Variants in AFF3 observed in about 807,000 individuals in gnomAD.
AFF3 encodes AF4/FMR2 family member 3.
AFF3 carries 32 observed loss-of-function variants against 129.7 expected under a neutral mutation model. The observed-to-expected ratio is 0.25, with a 90% confidence interval of 0.19 to 0.33. The LOEUF is 0.33. Ranked by LOEUF, AFF3 falls within the 10% of genes least tolerant of loss-of-function variation. The probability of loss-of-function intolerance (pLI) is 1.00; values close to 1 mark genes in which losing one functional copy is unlikely to be tolerated. For missense variants in AFF3, 1,373 were observed against 1,592.0 expected, an observed-to-expected ratio of 0.86 and a Z score of 2.34; for synonymous variants, 644 against 635.4, an observed-to-expected ratio of 1.01 and a Z score of -0.20.
chr2:100,076,165 G>T (rs565516210), intron 4 of AFF3, among the ~76,000 whole-genome samples: 1 of 152,304 alleles, frequency 6.6e-6, no homozygotes, highest in African/African-American at 2.4e-5. Context: ...TGGTGAAAAA[G>T]ATGTGACTCA....
chr2:99,641,552 C>T (rs1393085634), intron 13 of AFF3, among the ~76,000 whole-genome samples: 1 of 152,038 alleles, frequency 6.6e-6, no homozygotes, highest in Non-Finnish European at 1.5e-5. Context: ...GAGGTTTATG[C>T]CTATAATTCC....
chr2:99,967,932 AC>A (rs1677954072), intron 7 of AFF3, among the ~76,000 whole-genome samples: 1 of 152,166 alleles, frequency 6.6e-6, no homozygotes, highest in Non-Finnish European at 1.5e-5. Context: ...TCACACAGCC[AC>A]AGGATTGTCT....
At chr2:99,837,192 C>T (rs1403499478) in intron 8 of AFF3, among the ~76,000 whole-genome samples, 1 of 152,152 alleles carries the variant, frequency 6.6e-6, no homozygotes. Context: ...AATGGGGCAT[C>T]CACATGTGAG....
intron 11 of AFF3, among the ~76,000 whole-genome samples, chr2:99,721,943 T>A (rs1197651923): frequency 6.6e-6 from 1 of 152,246 alleles, no homozygotes. Context: ...TACAATTCAC[T>A]GAGGCTCTGT....
chr2:99,982,664 T>C (rs988271425), intron 7 of AFF3, among the ~76,000 whole-genome samples: 2 of 152,168 alleles, frequency 1.3e-5, no homozygotes, highest in Non-Finnish European at 2.9e-5. Context: ...ACTCTCGAGG[T>C]CTCAGTTTCC....
chr2:99,901,021 T>G (rs995682822), intron 7 of AFF3, among the ~76,000 whole-genome samples: 1 of 152,242 alleles, frequency 6.6e-6, no homozygotes, highest in Non-Finnish European at 1.5e-5. Context: ...TTGCTCCATG[T>G]CTTTTGAAGA....
chr2:99,650,765 T>C (rs1685160926), intron 12 of AFF3, among the ~76,000 whole-genome samples: 1 of 151,338 alleles, frequency 6.6e-6, no homozygotes, highest in African/African-American at 2.4e-5. Context: ...TGTATTGATT[T>C]GTTTTTTGTT....
In AFF3 at chr2:100,106,106, CT is replaced by C; in HGVS notation, c.-144-524del. ...GAAGACCAAAAGGCCAATGAGACTT[CT>C]TTCCTATTTGAGATCGGATTTGAGA... is the stretch of plus-strand genomic sequence containing the variant. On this transcript the variant is annotated intron_variant, in intron 2 of 24. Transcript: ENST00000672756. The C allele has an allele frequency of 3.1e-6, 4 of 1,275,698 alleles. No homozygotes were observed. The South Asian group carries it at 5.2e-5, about 16-fold the overall frequency. 79.0% of individuals were successfully genotyped at this position (1,275,698 alleles called of 1,614,324 possible).
intron 4 of AFF3, among the ~76,000 whole-genome samples, chr2:100,103,511 T>C (rs1192674205): frequency 3.0e-5 from 3 of 99,238 alleles, no homozygotes; most frequent in African/African-American, 1.2e-4. Context: ...TAAGAGATAG[T>C]GGGGGGTTGG....
intron 8 of AFF3, among the ~76,000 whole-genome samples, chr2:99,833,107 T>C (rs1688624832): frequency 6.6e-6 from 1 of 152,240 alleles, no homozygotes; most frequent in African/African-American, 2.4e-5. Flanking sequence ...TTGATTGACA[T>C]TTGTGAGCAC....
At chr2:100,038,565 T>C (rs1022829511) in intron 4 of AFF3, among the ~76,000 whole-genome samples, 2 of 151,988 alleles carry the variant, frequency 1.3e-5, no homozygotes, top group Non-Finnish European at 2.9e-5. Flanking sequence ...TGGCTTGCAG[T>C]TGAGGGGACA....
chr2:99,944,493 T>A (rs913583507), intron 7 of AFF3, among the ~76,000 whole-genome samples: 1 of 152,218 alleles, frequency 6.6e-6, no homozygotes, highest in Non-Finnish European at 1.5e-5. Flanking sequence ...GGTTGGTCAA[T>A]GCTTCCCATT....
chr2:100,066,958 T>C (rs1399933626), intron 4 of AFF3, among the ~76,000 whole-genome samples: 1 of 152,184 alleles, frequency 6.6e-6, no homozygotes, highest in Non-Finnish European at 1.5e-5. Flanking sequence ...GGGACAGATA[T>C]TTGGAGAACC....
At chr2:100,036,159 AAC>A (rs869227800) in intron 4 of AFF3, among the ~76,000 whole-genome samples, 7,012 of 136,000 alleles carry the variant, frequency 0.052, 397 homozygotes, top group Non-Finnish European at 0.086. Context: ...AAAAAAAAAA[AAC>A]AACTTTCTCA....
intron 13 of AFF3, among the ~76,000 whole-genome samples, chr2:99,615,671 T>C (rs962305010): frequency 6.6e-6 from 1 of 152,098 alleles, no homozygotes. Context: ...CCAGGGTGCA[T>C]GGGATGGGAG....
At chr2:99,891,574 C>T (rs1465532250) in intron 7 of AFF3, among the ~76,000 whole-genome samples, 1 of 152,192 alleles carries the variant, frequency 6.6e-6, no homozygotes, top group Non-Finnish European at 1.5e-5. Flanking sequence ...CAGGTGCGGG[C>T]AGGCGGGCGA....
At chr2:100,003,364 A>T (rs1681614086) in intron 7 of AFF3, among the ~76,000 whole-genome samples, 1 of 152,172 alleles carries the variant, frequency 6.6e-6, no homozygotes, top group Non-Finnish European at 1.5e-5. Context: ...AATAAAATTC[A>T]GTGTGCTGTG....
chr2:99,605,935 A>G lies in AFF3; in HGVS notation c.1185-4314T>C, dbSNP rs200494153. Among the ~76,000 whole-genome samples the G allele has an allele frequency of 5.3e-5, 8 of 151,512 alleles. No homozygotes were observed. In the East Asian group the frequency reaches 1.4e-3, roughly 26 times the overall value. ...ACTCCTGGCTTCAAGCAATCCTTCCACCTCAGCCTCCCAAAGTGCTGGGAT... is the reference window on the plus strand; with the variant it reads ...ACTCCTGGCTTCAAGCAATCCTTCCGCCTCAGCCTCCCAAAGTGCTGGGAT... On this transcript the variant is annotated intron_variant, in intron 13 of 24. Transcript: ENST00000672756.
At chr2:100,027,885 T>C (rs1256493431) in intron 4 of AFF3, among the ~76,000 whole-genome samples, 1 of 152,218 alleles carries the variant, frequency 6.6e-6, no homozygotes, top group Non-Finnish European at 1.5e-5. Flanking sequence ...TATTATATTT[T>C]CTTAAACATT....
Sources: gnomAD v4.1 joint callset for allele counts (sites outside exome capture counted in the v4.1 genomes callset) on GRCh38, gnomAD v4.1.1 for gene constraint, MANE v1.5 for transcripts, NCBI Gene and HGNC (gene_info 2026-07-23, HGNC 2026-07-21) for gene names.